Variants in JARID2 observed in about 807,000 individuals in gnomAD.
The protein encoded by JARID2 is jumonji and AT-rich interaction domain containing 2.
JARID2 carries 21 observed loss-of-function variants against 125.6 expected under a neutral mutation model. That is an observed-to-expected ratio of 0.17 (90% CI 0.12 to 0.24). The LOEUF (loss-of-function observed/expected upper bound fraction) is 0.24, where lower values mean the gene tolerates loss of function less well. JARID2 is among the 10% of genes least tolerant of loss of function. The probability of loss-of-function intolerance (pLI) is 1.00; values close to 1 mark genes in which losing one functional copy is unlikely to be tolerated. For synonymous variants in JARID2, 736 were observed against 661.6 expected (o/e 1.11, Z -1.73); for missense variants, 1,303 against 1,639.6 (o/e 0.79, Z 3.55).
intron 2 of JARID2, among the ~76,000 whole-genome samples, chr6:15,397,076 G>A (rs1765246540): frequency 6.6e-6 from 1 of 152,188 alleles, no homozygotes; most frequent in Non-Finnish European, 1.5e-5. Context: ...GACTGTGTGT[G>A]TACCTAATTC....
At chr6:15,341,541 C>T (rs977418307) in intron 1 of JARID2, among the ~76,000 whole-genome samples, 4 of 152,152 alleles carry the variant, frequency 2.6e-5, no homozygotes. Flanking sequence ...TTCAACAAGG[C>T]TTCCCACACT....
intron 1 of JARID2, among the ~76,000 whole-genome samples, chr6:15,324,018 TA>T (rs1417059401): frequency 6.7e-6 from 1 of 149,168 alleles, no homozygotes; most frequent in Middle Eastern, 3.7e-3. Context: ...CTGTCTCTAC[TA>T]AAAATACAAA....
chr6:15,279,518 A>T (rs1174617852), intron 1 of JARID2, among the ~76,000 whole-genome samples: 1 of 151,934 alleles, frequency 6.6e-6, no homozygotes, highest in Non-Finnish European at 1.5e-5. Context: ...CAGGTGTATT[A>T]CTCTTTATCT....
At chr6:15,343,567 CAA>C (rs1701629517) in intron 1 of JARID2, among the ~76,000 whole-genome samples, 1 of 152,094 alleles carries the variant, frequency 6.6e-6, no homozygotes, top group South Asian at 2.1e-4. Context: ...ATTGTGCAGT[CAA>C]AGAGGCCTCT....
At chr6:15,316,705 G>T (rs1762192511) in intron 1 of JARID2, among the ~76,000 whole-genome samples, 2 of 152,130 alleles carry the variant, frequency 1.3e-5, no homozygotes, top group Admixed American at 6.5e-5. Context: ...GTTTCACCAT[G>T]TTGGCCAGGC....
intron 5 of JARID2, among the ~76,000 whole-genome samples, chr6:15,485,978 G>A (rs775038237): frequency 7.2e-5 from 11 of 152,218 alleles, no homozygotes; most frequent in Non-Finnish European, 1.3e-4. Context: ...CTGCTGTGGG[G>A]GTGAGGGAAT....
intron 6 of JARID2, among the ~76,000 whole-genome samples, chr6:15,488,553 A>G (rs1016532678): frequency 6.6e-6 from 1 of 152,184 alleles, no homozygotes; most frequent in African/African-American, 2.4e-5. Flanking sequence ...CCTGGCTGGC[A>G]GTGTTGCAGA....
At chr6:15,297,514 G>GT (rs1050177887) in intron 1 of JARID2, among the ~76,000 whole-genome samples, 17 of 149,480 alleles carry the variant, frequency 1.1e-4, no homozygotes, top group South Asian at 2.1e-4. Context: ...AACTAAAAGT[G>GT]TTTTTTTGTA....
intron 2 of JARID2, among the ~76,000 whole-genome samples, chr6:15,374,803 A>G (rs1178493047): frequency 6.6e-6 from 1 of 152,168 alleles, no homozygotes; most frequent in Non-Finnish European, 1.5e-5. Flanking sequence ...GTTTGTTCTC[A>G]TGTCTGTTTT....
chr6:15,292,518 G>C (rs1392894327), intron 1 of JARID2, among the ~76,000 whole-genome samples: 1 of 152,122 alleles, frequency 6.6e-6, no homozygotes, highest in Non-Finnish European at 1.5e-5. Context: ...AAAGTCTTCT[G>C]TTGTATTTTG....
chr6:15,285,933 G>A (rs553828087), intron 1 of JARID2, among the ~76,000 whole-genome samples: 7 of 152,344 alleles, frequency 4.6e-5, no homozygotes, highest in African/African-American at 1.7e-4. Context: ...GTTGACAGTG[G>A]TTGACTCAAC....
chr6:15,283,958 C>A (rs1445224080), intron 1 of JARID2, among the ~76,000 whole-genome samples: 3 of 148,806 alleles, frequency 2.0e-5, no homozygotes, highest in African/African-American at 7.4e-5. Context: ...CTGCCAGCCT[C>A]AGCCTCTCAA....
chr6:15,275,492 A>T (rs1342987382), intron 1 of JARID2, among the ~76,000 whole-genome samples: 15 of 127,658 alleles, frequency 1.2e-4, no homozygotes, highest in African/African-American at 4.5e-4. Flanking sequence ...CTGGACTTGG[A>T]TTATTCACAT....
At chr6:15,444,945 C>T (rs563345460) in intron 3 of JARID2, among the ~76,000 whole-genome samples, 1 of 152,180 alleles carries the variant, frequency 6.6e-6, no homozygotes, top group South Asian at 2.1e-4. Flanking sequence ...CCTGGTCCCC[C>T]TTGCTCCTGC....
At chr6:15,448,369 C>A (rs982223366) in intron 3 of JARID2, among the ~76,000 whole-genome samples, 1 of 152,122 alleles carries the variant, frequency 6.6e-6, no homozygotes, top group African/African-American at 2.4e-5. Context: ...TGTCTCGCTC[C>A]GTTGTCTGTG....
chr6:15,353,883 A>G (rs1430094054), intron 1 of JARID2, among the ~76,000 whole-genome samples: 1 of 152,230 alleles, frequency 6.6e-6, no homozygotes, highest in Non-Finnish European at 1.5e-5. Context: ...AATTCAAGGA[A>G]CTGATCTTTT....
chr6:15,329,199 T>A (rs995007048), intron 1 of JARID2, among the ~76,000 whole-genome samples: 11 of 150,474 alleles, frequency 7.3e-5, no homozygotes, highest in African/African-American at 2.2e-4. Flanking sequence ...TTTGGGGGAT[T>A]ATTTTGGTAT....
chr6:15,433,921 GGTGTGTGTGTGTGT>G (rs146025914), intron 3 of JARID2, among the ~76,000 whole-genome samples: 1,978 of 131,372 alleles, frequency 0.015, 64 homozygotes, highest in East Asian at 0.11. Context: ...CACTCTCCAG[GGTGTGTGTGTGTGT>G]GTGTGTGTGT....
At chr6:15,295,507 G>A (rs1761381240) in intron 1 of JARID2, among the ~76,000 whole-genome samples, 1 of 152,086 alleles carries the variant, frequency 6.6e-6, no homozygotes, top group Admixed American at 6.5e-5. Context: ...GGAAAACAGT[G>A]GTTCAGCATT....
Sources: gnomAD v4.1 joint callset for allele counts (sites outside exome capture counted in the v4.1 genomes callset) on GRCh38, gnomAD v4.1.1 for gene constraint, MANE v1.5 for transcripts, NCBI Gene and HGNC (gene_info 2026-07-23, HGNC 2026-07-21) for gene names.